The following PRKCB variants were observed in gnomAD, a reference collection of about 807,000 sequenced individuals.
The protein encoded by PRKCB is protein kinase C beta type.
A neutral mutation model predicts 81.5 loss-of-function variants in PRKCB; 13 were observed. That is an observed-to-expected ratio of 0.16 (90% CI 0.10 to 0.25). The LOEUF (loss-of-function observed/expected upper bound fraction) is 0.25. Ranked by LOEUF, PRKCB falls within the 10% of genes least tolerant of loss-of-function variation. The probability of loss-of-function intolerance (pLI) is 1.00; values close to 1 mark genes in which losing one functional copy is unlikely to be tolerated. For missense variants in PRKCB, 509 were observed against 875.7 expected (o/e 0.58, Z 5.29); for synonymous variants, 335 against 321.4 (o/e 1.04, Z -0.45).
chr16:24,069,456 C>T (rs1258907843), intron 5 of PRKCB, among the ~76,000 whole-genome samples: 1 of 152,248 alleles, frequency 6.6e-6, no homozygotes, highest in South Asian at 2.1e-4. Flanking sequence ...TAAAACAGTG[C>T]CTGGGTCTGA....
At chr16:24,030,807 A>G (rs186156211) in intron 3 of PRKCB, among the ~76,000 whole-genome samples, 1 of 152,104 alleles carries the variant, frequency 6.6e-6, no homozygotes, top group Admixed American at 6.5e-5. Context: ...CTGAGACAGA[A>G]GAATCACTTG....
In PRKCB at chr16:24,130,866, C is replaced by T. The variant is rs1254561057; in HGVS notation, c.1065+6885C>T. On this transcript the variant is annotated intron_variant, in intron 9 of 16. Transcript: ENST00000643927. ...GGCCACACTTCAGTGCAAAGGAGGC[C>T]GGGAGAACAATTTGGGTGGATGACA... Among the ~76,000 whole-genome samples the T allele has an allele frequency of 3.9e-5, 6 of 152,094 alleles. No individual in the cohort carries two copies. The South Asian group carries it at 6.2e-4, about 16-fold the overall frequency.
intron 9 of PRKCB, among the ~76,000 whole-genome samples, chr16:24,124,890 C>T (rs540644095): frequency 2.3e-4 from 35 of 152,294 alleles, no homozygotes; most frequent in African/African-American, 7.5e-4. Context: ...AATGCATTGG[C>T]GAATTCTGAC....
At chr16:23,859,649 A>G (rs2089238054) in intron 2 of PRKCB, among the ~76,000 whole-genome samples, 1 of 152,138 alleles carries the variant, frequency 6.6e-6, no homozygotes, top group South Asian at 2.1e-4. Context: ...AAGCAGTGAA[A>G]GAGAGAGGAA....
At chr16:24,180,160 G>C (rs1253199417) in intron 12 of PRKCB, among the ~76,000 whole-genome samples, 1 of 152,060 alleles carries the variant, frequency 6.6e-6, no homozygotes, top group African/African-American at 2.4e-5. Context: ...GGCCAGGCTG[G>C]TCTTGAGCTC....
At chr16:24,214,620 T>C (rs549024326) in intron 16 of PRKCB, 38 bp from the exon 17 acceptor site, 6 of 1,565,174 alleles carry the variant, frequency 3.8e-6, no homozygotes, top group Middle Eastern at 1.7e-4. Context: ...TTGTTTTTTT[T>C]CCCACCCACC....
At chr16:24,130,249 A>G (rs572673124) in intron 9 of PRKCB, among the ~76,000 whole-genome samples, 13 of 152,266 alleles carry the variant, frequency 8.5e-5, no homozygotes, top group African/African-American at 2.6e-4. Flanking sequence ...CAGTGGAGGT[A>G]TACACATTCA....
chr16:23,998,350 C>T (rs1170965127), intron 3 of PRKCB, among the ~76,000 whole-genome samples: 1 of 152,166 alleles, frequency 6.6e-6, no homozygotes, highest in East Asian at 1.9e-4. Context: ...TTATGTACAC[C>T]AATTCACGTT....
chr16:23,867,926 C>T (rs930525759), intron 2 of PRKCB, among the ~76,000 whole-genome samples: 3 of 152,100 alleles, frequency 2.0e-5, no homozygotes, highest in Admixed American at 6.5e-5. Flanking sequence ...AAGTAATTGG[C>T]GACAAGTCCT....
In PRKCB at chr16:24,061,916, A is replaced by T. The variant is rs977201884; in HGVS notation, c.529+26369A>T. On this transcript the variant is annotated intron_variant, in intron 5 of 16. Transcript: ENST00000643927. ...CCCCTGCACCTTAAATAAATAAAAA[A>T]AAAAAAAAAAAAAAAAACTTGAGGC... is the stretch of plus-strand genomic sequence containing the variant. 1.1e-3 allele frequency among the ~76,000 whole-genome samples: 158 copies of T among 148,538 alleles called. 1 individual carries two copies. Among genetic ancestry groups the T allele is most frequent in the African/African-American group, 3.8e-3 (152 of 39,998 alleles).
At chr16:24,039,901 G>A (rs1167807802) in intron 5 of PRKCB, among the ~76,000 whole-genome samples, 5 of 152,122 alleles carry the variant, frequency 3.3e-5, no homozygotes, top group Non-Finnish European at 5.9e-5. Flanking sequence ...AGAGAGGAGC[G>A]AGCACTAAAG....
At chr16:23,951,235 TC>T (rs1332957895) in intron 2 of PRKCB, among the ~76,000 whole-genome samples, 1 of 152,220 alleles carries the variant, frequency 6.6e-6, no homozygotes, top group Non-Finnish European at 1.5e-5. Flanking sequence ...CGTTCTTCCA[TC>T]ATTCTTTCAG....
intron 16 of PRKCB, among the ~76,000 whole-genome samples, chr16:24,192,329 A>G (rs1967806223): frequency 6.6e-6 from 1 of 152,094 alleles, no homozygotes; most frequent in Non-Finnish European, 1.5e-5. Context: ...CCCGGTGTAG[A>G]GTCTTTGAGG....
At chr16:23,925,846 A>G (rs988295875) in intron 2 of PRKCB, among the ~76,000 whole-genome samples, 1 of 152,024 alleles carries the variant, frequency 6.6e-6, no homozygotes, top group Non-Finnish European at 1.5e-5. Flanking sequence ...GAGAATGACT[A>G]TTATTCCATA....
At chr16:24,135,382 T>C (rs1044495834) in intron 9 of PRKCB, among the ~76,000 whole-genome samples, 1 of 137,950 alleles carries the variant, frequency 7.2e-6, no homozygotes, top group Admixed American at 8.2e-5. Flanking sequence ...TGCAGTGGGG[T>C]GATCTTGAGT....
intron 5 of PRKCB, among the ~76,000 whole-genome samples, chr16:24,085,980 C>T (rs927517358): frequency 7.9e-5 from 12 of 152,108 alleles, no homozygotes; most frequent in African/African-American, 2.9e-4. Flanking sequence ...TTTGGGACCA[C>T]GATGTGCTCG....
intron 1 of PRKCB, among the ~76,000 whole-genome samples, chr16:23,836,842 C>G (rs1358298081): frequency 6.6e-6 from 1 of 151,572 alleles, no homozygotes; most frequent in Non-Finnish European, 1.5e-5. Context: ...CTCCTCTGTG[C>G]CTCCGGGCAG....
chr16:24,130,080 A>G (rs1966851189), intron 9 of PRKCB, among the ~76,000 whole-genome samples: 1 of 152,222 alleles, frequency 6.6e-6, no homozygotes, highest in South Asian at 2.1e-4. Context: ...TTACATTTGC[A>G]GATAACTGCA....
At chr16:24,175,677 A>G (rs1967518259) in intron 12 of PRKCB, among the ~76,000 whole-genome samples, 1 of 151,774 alleles carries the variant, frequency 6.6e-6, no homozygotes, top group Admixed American at 6.6e-5. Context: ...TATGGGATTA[A>G]AAGGCATGAG....
Sources: gnomAD v4.1 joint callset for allele counts (sites outside exome capture counted in the v4.1 genomes callset) on GRCh38, gnomAD v4.1.1 for gene constraint, MANE v1.5 for transcripts, NCBI Gene and HGNC (gene_info 2026-07-23, HGNC 2026-07-21) for gene names.